The following EXPH5 variants were observed in gnomAD, a reference collection of about 807,000 sequenced individuals.
EXPH5 encodes the protein exophilin 5.
EXPH5 carries 42 observed loss-of-function variants against 41.1 expected under a neutral mutation model. The ratio of observed to expected loss-of-function variants is 1.02; its 90% CI spans 0.80 to 1.32. The LOEUF (loss-of-function observed/expected upper bound fraction) is 1.32. Among genes scored for constraint, EXPH5 ranks in the 40% most tolerant of loss-of-function variants. The pLI is 0.00. For missense variants in EXPH5, 2,298 were observed against 2,314.5 expected, an observed-to-expected ratio of 0.99 and a Z score of 0.15; for synonymous variants, 798 against 833.5, an observed-to-expected ratio of 0.96 and a Z score of 0.73.
chr11:108,515,634 ATT>A (rs2093720046), intron 5 of EXPH5, among the ~76,000 whole-genome samples: 1 of 152,158 alleles, frequency 6.6e-6, no homozygotes, highest in African/African-American at 2.4e-5. Context: ...TCCTATTACT[ATT>A]CTCATTCTAT....
chr11:108,593,267 C>A (rs984676945), intron 1 of EXPH5, 151 bp downstream of exon 1: 28 of 686,552 alleles, frequency 4.1e-5, no homozygotes, highest in Non-Finnish European at 6.4e-5. Context: ...AGCAACTCCG[C>A]GCAGTTTTCT....
At chr11:108,550,110 C>T (rs531819692) in intron 1 of EXPH5, among the ~76,000 whole-genome samples, 3 of 152,334 alleles carry the variant, frequency 2.0e-5, no homozygotes, top group South Asian at 4.1e-4. Flanking sequence ...TTCACCTCCT[C>T]CTGGAATCTG....
At chr11:108,569,386 C>T (rs2094049957) in intron 1 of EXPH5, among the ~76,000 whole-genome samples, 1 of 152,170 alleles carries the variant, frequency 6.6e-6, no homozygotes. Context: ...GTCACGCAAG[C>T]TGGAGTGCAA....
intron 1 of EXPH5, among the ~76,000 whole-genome samples, chr11:108,559,236 G>GA (rs1291054081): frequency 6.6e-6 from 1 of 152,040 alleles, no homozygotes; most frequent in Non-Finnish European, 1.5e-5. Context: ...TTGAATAACC[G>GA]AAAAAATGAA....
chr11:108,558,658 C>T (rs994980139), intron 1 of EXPH5, among the ~76,000 whole-genome samples: 12 of 152,190 alleles, frequency 7.9e-5, no homozygotes, highest in Admixed American at 7.9e-4. Context: ...CAGAAAAGGA[C>T]ACATGATTCC....
intron 1 of EXPH5, among the ~76,000 whole-genome samples, chr11:108,576,339 C>G (rs2094079567): frequency 6.6e-6 from 1 of 152,028 alleles, no homozygotes. Flanking sequence ...TTATATAATT[C>G]CATTTACATG....
intron 1 of EXPH5, among the ~76,000 whole-genome samples, chr11:108,580,649 T>G (rs145362346): frequency 2.0e-4 from 30 of 152,290 alleles, no homozygotes; most frequent in African/African-American, 7.0e-4. Context: ...AGATATAGAA[T>G]CAACCTAGGT....
chr11:108,553,068 G>T (rs1451070643), intron 1 of EXPH5, among the ~76,000 whole-genome samples: 1 of 152,022 alleles, frequency 6.6e-6, no homozygotes, highest in Non-Finnish European at 1.5e-5. Flanking sequence ...TGTAATGGCA[G>T]GTGCCTGTAA....
chr11:108,605,340 T>C, the EXPH5 span, among the ~76,000 whole-genome samples: 4 of 152,124 alleles, frequency 2.6e-5, no homozygotes, highest in South Asian at 4.1e-4. Context: ...TCATGGAAAA[T>C]AGCTGCCTAG....
At chr11:108,555,085 G>A (rs189023184) in intron 1 of EXPH5, among the ~76,000 whole-genome samples, 69 of 152,348 alleles carry the variant, frequency 4.5e-4, no homozygotes, top group African/African-American at 1.5e-3. Context: ...AAACTGCAGG[G>A]CAGATGTTCA....
chr11:108,603,799 A>T, the EXPH5 span, among the ~76,000 whole-genome samples: 1 of 152,226 alleles, frequency 6.6e-6, no homozygotes, highest in Non-Finnish European at 1.5e-5. Flanking sequence ...TATGACCTCC[A>T]CCTGTGGGCA....
At position 108,509,007 on chromosome 11, in the gene EXPH5, A is replaced by G. The variant is rs1462184070; in HGVS notation, c.*530T>C. 1 of 152,168 alleles carries G rather than the reference A, an allele frequency of 6.6e-6. No individual in the cohort carries two copies. Among genetic ancestry groups the G allele is most frequent in the Non-Finnish European group, 1.5e-5 (1 of 68,072 alleles). 9.4% of individuals were successfully genotyped at this position (152,168 alleles called of 1,614,324 possible). On this transcript the variant is annotated 3_prime_UTR_variant, in exon 6 of 6. Coordinates refer to ENST00000265843, the MANE Select transcript of EXPH5 (RefSeq NM_015065.3). Reference sequence around the variant, plus strand: ...AAATTCCTTTATCTTTGTTTGAAAGAGAAGATCACCACCTTAAACTTCCTA... The same window carrying G: ...AAATTCCTTTATCTTTGTTTGAAAGGGAAGATCACCACCTTAAACTTCCTA...
intron 1 of EXPH5, among the ~76,000 whole-genome samples, chr11:108,558,627 A>C (rs2093999583): frequency 6.6e-6 from 1 of 152,232 alleles, no homozygotes; most frequent in Non-Finnish European, 1.5e-5. Context: ...TGGATCCATT[A>C]CATGATTAAA....
intron 1 of EXPH5, among the ~76,000 whole-genome samples, chr11:108,558,893 G>A (rs771802942): frequency 2.0e-5 from 3 of 152,182 alleles, no homozygotes; most frequent in Non-Finnish European, 4.4e-5. Context: ...ATCCAGTGAA[G>A]TAGGTATTGT....
chr11:108,523,845 C>T (rs1440988869), intron 4 of EXPH5, among the ~76,000 whole-genome samples: 2 of 152,178 alleles, frequency 1.3e-5, no homozygotes, highest in African/African-American at 4.8e-5. Flanking sequence ...GCACTCCAGC[C>T]TGGGTGACAG....
the EXPH5 span, among the ~76,000 whole-genome samples, chr11:108,605,896 C>T: frequency 1.3e-5 from 2 of 152,246 alleles, no homozygotes; most frequent in Non-Finnish European, 2.9e-5. Flanking sequence ...GGCCTCCAGC[C>T]TCCATCCTCA....
At chr11:108,558,230 A>T (rs1293792868) in intron 1 of EXPH5, among the ~76,000 whole-genome samples, 1 of 152,170 alleles carries the variant, frequency 6.6e-6, no homozygotes, top group African/African-American at 2.4e-5. Context: ...GGTGTCAGCC[A>T]CTGCGCCCAG....
chr11:108,544,687 G>A (rs1282907440), intron 1 of EXPH5, among the ~76,000 whole-genome samples: 1 of 152,142 alleles, frequency 6.6e-6, no homozygotes, highest in Non-Finnish European at 1.5e-5. Context: ...ATTTAACTGA[G>A]CATCATGTAG....
chr11:108,577,413 T>A (rs1017873592), intron 1 of EXPH5, among the ~76,000 whole-genome samples: 2 of 152,052 alleles, frequency 1.3e-5, no homozygotes, highest in Non-Finnish European at 2.9e-5. Context: ...TATTTTATTT[T>A]ATTTATTTAT....
Sources: allele counts gnomAD v4.1 joint callset (sites outside exome capture counted in the v4.1 genomes callset), GRCh38; gene constraint gnomAD v4.1.1; transcripts MANE v1.5; gene names NCBI Gene and HGNC (gene_info 2026-07-23, HGNC 2026-07-21).